The following VWC2 variants were observed in gnomAD, a reference collection of about 807,000 sequenced individuals.
The protein encoded by VWC2 is brorin.
A neutral mutation model predicts 29.8 loss-of-function variants in VWC2; 14 were observed. The ratio of observed to expected loss-of-function variants is 0.47; its 90% CI spans 0.31 to 0.74. VWC2 has a LOEUF of 0.74. VWC2 is among the 30% of genes least tolerant of loss of function. The pLI is 0.05. For missense variants in VWC2, 457 were observed against 459.8 expected, an observed-to-expected ratio of 0.99 and a Z score of 0.05; for synonymous variants, 213 against 199.0, an observed-to-expected ratio of 1.07 and a Z score of -0.59.
chr7:49,875,369 C>CAAAAAAAAAAAAAAAAAAAA lies in VWC2; in HGVS notation c.827-36656_827-36637dup, dbSNP rs71018432. ...TGGGTAACAGAGTGAGATTCTGACT[C>CAAAAAAAAAAAAAAAAAAAA]AAAAAAAAAAAAAAAAAAAAAAAAA... On this transcript the variant is annotated intron_variant, in intron 3 of 3. Coordinates refer to ENST00000340652, the MANE Select transcript of VWC2 (RefSeq NM_198570.5). Among the ~76,000 whole-genome samples, 14 of 19,014 alleles carry CAAAAAAAAAAAAAAAAAAAA rather than the reference C, an allele frequency of 7.4e-4. 3 individuals are homozygous for CAAAAAAAAAAAAAAAAAAAA. The highest frequency in any genetic ancestry group is 6.5e-3 in the East Asian group (2 of 308). The allele number at this position is 19,014 out of a possible 152,430, so 12.5% of individuals were successfully genotyped here. A position where few individuals can be genotyped will look rare whatever the true frequency, so the allele number is the denominator to read the frequency against.
chr7:49,906,836 G>C (rs1028056299), intron 3 of VWC2, among the ~76,000 whole-genome samples: 4 of 152,094 alleles, frequency 2.6e-5, no homozygotes, highest in African/African-American at 9.7e-5. Context: ...TTTAACACTT[G>C]ATGTTTTCGT....
chr7:49,793,329 A>G (rs899810310), intron 2 of VWC2, among the ~76,000 whole-genome samples: 2 of 151,146 alleles, frequency 1.3e-5, no homozygotes, highest in Non-Finnish European at 2.9e-5. Context: ...ATTTGTTTCT[A>G]ACCCTCTTTT....
chr7:49,838,342 T>C (rs1250602111), intron 3 of VWC2, among the ~76,000 whole-genome samples: 1 of 152,196 alleles, frequency 6.6e-6, no homozygotes, highest in Non-Finnish European at 1.5e-5. Context: ...ATCTCTTACT[T>C]TTTTTCCAGC....
chr7:49,836,137 T>C (rs536852069), intron 3 of VWC2, among the ~76,000 whole-genome samples: 3 of 152,328 alleles, frequency 2.0e-5, no homozygotes, highest in East Asian at 1.9e-4. Context: ...TGGCATCACA[T>C]CATCAAATTT....
At chr7:49,834,295 C>G (rs546639196) in intron 3 of VWC2, among the ~76,000 whole-genome samples, 41 of 152,288 alleles carry the variant, frequency 2.7e-4, no homozygotes, top group African/African-American at 9.6e-4. Flanking sequence ...TTCATTATCC[C>G]CAGTGGCTAA....
intron 3 of VWC2, among the ~76,000 whole-genome samples, chr7:49,843,273 T>C (rs1477280005): frequency 6.6e-6 from 1 of 152,182 alleles, no homozygotes; most frequent in African/African-American, 2.4e-5. Flanking sequence ...TGGTTTAAAC[T>C]TCATTTTCTC....
chr7:49,850,812 A>C (rs1790145795), intron 3 of VWC2, among the ~76,000 whole-genome samples: 2 of 152,218 alleles, frequency 1.3e-5, no homozygotes, highest in Non-Finnish European at 1.5e-5. Context: ...GTATTTACTC[A>C]GCAAGCATGT....
intron 3 of VWC2, among the ~76,000 whole-genome samples, chr7:49,858,734 AAG>A (rs1282683444): frequency 6.6e-6 from 1 of 152,168 alleles, no homozygotes; most frequent in Non-Finnish European, 1.5e-5. Context: ...ATACATAAGA[AAG>A]AGAACACAAT....
At chr7:49,901,074 CT>C (rs1415574741) in intron 3 of VWC2, 1 of 151,876 alleles carries the variant, frequency 6.6e-6, no homozygotes, top group Non-Finnish European at 1.5e-5. Flanking sequence ...ACTTCATCAA[CT>C]TGATAAAGAC....
chr7:49,786,467 T>C (rs691573), intron 2 of VWC2, among the ~76,000 whole-genome samples: 46,162 of 152,088 alleles, frequency 0.3, 7,740 homozygotes, highest in East Asian at 0.68. Flanking sequence ...GTCATTTTGG[T>C]AGAAGGATTT....
At position 49,920,689 on chromosome 7, in the gene VWC2, C is replaced by T. The variant is rs1178097966; in HGVS notation, c.*8504C>T. 1 of 151,048 alleles carries T rather than the reference C, an allele frequency of 6.6e-6. No homozygotes were observed. Among genetic ancestry groups the T allele is most frequent in the Non-Finnish European group, 1.5e-5 (1 of 67,886 alleles). The allele number at this position is 151,048 out of a possible 1,614,324, so 9.4% of individuals were successfully genotyped here. ...CTATAAATATAGCATGAATAAAACA[C>T]ATATGTATTTAATTGTGTTATTTAC... On this transcript the variant is annotated 3_prime_UTR_variant, in exon 4 of 4. Coordinates refer to ENST00000340652, the MANE Select transcript of VWC2 (RefSeq NM_198570.5).
intron 3 of VWC2, among the ~76,000 whole-genome samples, chr7:49,805,742 G>A (rs1788862676): frequency 6.6e-6 from 1 of 152,178 alleles, no homozygotes; most frequent in Non-Finnish European, 1.5e-5. Context: ...CATCAGAAAT[G>A]AATGCTTTAT....
intron 3 of VWC2, among the ~76,000 whole-genome samples, chr7:49,875,610 C>T (rs1243333346): frequency 1.3e-5 from 2 of 151,824 alleles, no homozygotes; most frequent in African/African-American, 4.8e-5. Flanking sequence ...GGTGGAAACC[C>T]ACCGCCTTCC....
chr7:49,827,852 G>GT (rs1455864556), intron 3 of VWC2, among the ~76,000 whole-genome samples: 8 of 152,124 alleles, frequency 5.3e-5, no homozygotes, highest in Non-Finnish European at 8.8e-5. Flanking sequence ...ACTGGTCTTT[G>GT]TTTTTTCAGA....
intron 2 of VWC2, among the ~76,000 whole-genome samples, chr7:49,779,110 C>G (rs1021872487): frequency 6.6e-6 from 1 of 151,760 alleles, no homozygotes; most frequent in Non-Finnish European, 1.5e-5. Flanking sequence ...GAGGCTTGAC[C>G]CTCTTTGAGC....
At chr7:49,855,873 G>C (rs1790398100) in intron 3 of VWC2, among the ~76,000 whole-genome samples, 1 of 152,148 alleles carries the variant, frequency 6.6e-6, no homozygotes, top group Admixed American at 6.5e-5. Context: ...CCAGGGATTT[G>C]GTGAGAGGGA....
At chr7:49,901,814 G>C (rs1043598574) in intron 3 of VWC2, among the ~76,000 whole-genome samples, 1 of 146,530 alleles carries the variant, frequency 6.8e-6, no homozygotes, top group Non-Finnish European at 1.5e-5. Flanking sequence ...CAAAAGAATA[G>C]ACACATTGAT....
At chr7:49,908,726 A>C (rs1793239331) in intron 3 of VWC2, among the ~76,000 whole-genome samples, 1 of 152,196 alleles carries the variant, frequency 6.6e-6, no homozygotes, top group Non-Finnish European at 1.5e-5. Context: ...GATCAGCTGA[A>C]GATATCTTCT....
At chr7:49,879,261 C>G (rs1300919633) in intron 3 of VWC2, among the ~76,000 whole-genome samples, 2 of 152,132 alleles carry the variant, frequency 1.3e-5, no homozygotes, top group African/African-American at 4.8e-5. Context: ...AATTGAAATT[C>G]TGTCAGATAA....
Sources: gnomAD v4.1 joint callset for allele counts (sites outside exome capture counted in the v4.1 genomes callset) on GRCh38, gnomAD v4.1.1 for gene constraint, MANE v1.5 for transcripts, NCBI Gene and HGNC (gene_info 2026-07-23, HGNC 2026-07-21) for gene names.